The following CACNG4 variants were observed in gnomAD, a reference collection of about 807,000 sequenced individuals.
CACNG4 encodes the protein voltage-dependent calcium channel gamma-4 subunit.
A neutral mutation model predicts 22.9 loss-of-function variants in CACNG4; 8 were observed. The ratio of observed to expected loss-of-function variants is 0.35; its 90% CI spans 0.21 to 0.63. The LOEUF (loss-of-function observed/expected upper bound fraction) is 0.63. Among genes scored for constraint, CACNG4 ranks in the 30% least tolerant of loss-of-function variants. The pLI is 0.72. For synonymous variants in CACNG4, 188 were observed against 191.9 expected (o/e 0.98, Z 0.17); for missense variants, 357 against 455.4 (o/e 0.78, Z 1.97).
chr17:67,029,742 T>C (rs2143380194), intron 3 of CACNG4, among the ~76,000 whole-genome samples: 1 of 152,178 alleles, frequency 6.6e-6, no homozygotes, highest in East Asian at 1.9e-4. Context: ...TAACGTAAAA[T>C]GTTAACATTA....
intron 1 of CACNG4, among the ~76,000 whole-genome samples, chr17:66,973,153 T>A (rs765477268): frequency 6.6e-6 from 1 of 151,682 alleles, no homozygotes. Flanking sequence ...GACAGGAGAA[T>A]TGCTTAAACC....
At chr17:67,009,503 GTA>G (rs1187827240) in intron 1 of CACNG4, among the ~76,000 whole-genome samples, 4,791 of 152,206 alleles carry the variant, frequency 0.031, 251 homozygotes, top group African/African-American at 0.11. Context: ...TTTAAGAAGG[GTA>G]CCTCCCTGGG....
At chr17:66,972,939 A>AAAAC (rs969965335) in intron 1 of CACNG4, among the ~76,000 whole-genome samples, 1 of 147,870 alleles carries the variant, frequency 6.8e-6, no homozygotes, top group Non-Finnish European at 1.5e-5. Flanking sequence ...AACAAAAACA[A>AAAAC]AAACAAACAA....
At chr17:66,966,594 A>T (rs1254461330) in intron 1 of CACNG4, among the ~76,000 whole-genome samples, 2 of 151,992 alleles carry the variant, frequency 1.3e-5, no homozygotes, top group African/African-American at 4.8e-5. Context: ...TAGTGAAGTC[A>T]ACTTGGCCCC....
chr17:66,981,972 C>T (rs1343770429), intron 1 of CACNG4, among the ~76,000 whole-genome samples: 1 of 152,188 alleles, frequency 6.6e-6, no homozygotes, highest in Admixed American at 6.5e-5. Context: ...CTCACTCTGT[C>T]ACACAGGCTA....
Position 66,966,800 on chromosome 17 carries a change from G to C in CACNG4, c.220+1669G>C, listed in dbSNP as rs112704880. On this transcript the variant is annotated intron_variant, in intron 1 of 3. Transcript: ENST00000262138. ...ACACAGCCACACAAAAGAGCCAGTG[G>C]GCTCATGATCACACCCTCCTCTTTT... 7.6e-3 allele frequency among the ~76,000 whole-genome samples: 1,156 copies of C among 152,246 alleles called. 13 individuals are homozygous for C. The highest frequency in any genetic ancestry group is 0.026 in the African/African-American group (1,099 of 41,540).
At chr17:66,976,972 C>T (rs2035241775) in intron 1 of CACNG4, among the ~76,000 whole-genome samples, 1 of 152,238 alleles carries the variant, frequency 6.6e-6, no homozygotes, top group African/African-American at 2.4e-5. Context: ...AGAGCCTGCT[C>T]TGTGCCTAGC....
At chr17:67,021,204 A>G (rs1009922082) in intron 2 of CACNG4, among the ~76,000 whole-genome samples, 3 of 151,738 alleles carry the variant, frequency 2.0e-5, no homozygotes, top group Non-Finnish European at 4.4e-5. Context: ...CCATCTTAAA[A>G]AAAAAAAAAA....
intron 1 of CACNG4, among the ~76,000 whole-genome samples, chr17:67,007,701 T>C (rs1162155925): frequency 6.6e-6 from 1 of 152,222 alleles, no homozygotes; most frequent in East Asian, 1.9e-4. Flanking sequence ...GCAGAGACCA[T>C]GTCTGTCCTG....
Position 67,018,107 on chromosome 17 carries a change from C to G in CACNG4, c.221-82C>G, listed in dbSNP as rs369114537. On this transcript the variant is annotated intron_variant, in intron 1 of 3. Coordinates refer to ENST00000262138, the MANE Select transcript of CACNG4 (RefSeq NM_014405.4). ...CCCAGGACCTGCACAGAGGCTCACA[C>G]ACATGGCAACCGTGTCTGGAGTGAA... is the stretch of plus-strand genomic sequence containing the variant. 146 of 1,069,642 alleles carry G rather than the reference C, an allele frequency of 1.4e-4. No homozygotes were observed. The East Asian group carries it at 1.9e-3, about 14-fold the overall frequency. The allele number at this position is 1,069,642 out of a possible 1,614,324, so 66.3% of individuals were successfully genotyped here. A position where few individuals can be genotyped will look rare whatever the true frequency, so the allele number is the denominator to read the frequency against.
At chr17:66,983,030 C>T (rs941528918) in intron 1 of CACNG4, among the ~76,000 whole-genome samples, 5 of 152,186 alleles carry the variant, frequency 3.3e-5, no homozygotes, top group Admixed American at 6.5e-5. Flanking sequence ...CCCAAGGCCC[C>T]GGAGCCAACA....
At chr17:67,011,860 G>A (rs2035470423) in intron 1 of CACNG4, among the ~76,000 whole-genome samples, 1 of 152,008 alleles carries the variant, frequency 6.6e-6, no homozygotes, top group African/African-American at 2.4e-5. Context: ...GAGTTGTGCT[G>A]CTGGGCCGCC....
At chr17:66,988,049 GTGTGTA>G (rs2035314911) in intron 1 of CACNG4, among the ~76,000 whole-genome samples, 7 of 146,262 alleles carry the variant, frequency 4.8e-5, no homozygotes, top group Non-Finnish European at 5.9e-5. Flanking sequence ...GTGTGTGTGT[GTGTGTA>G]TATATATATA....
chr17:67,001,798 A>G (rs1366778189), intron 1 of CACNG4, among the ~76,000 whole-genome samples: 2 of 152,266 alleles, frequency 1.3e-5, no homozygotes, highest in African/African-American at 4.8e-5. Context: ...AATGGAAGGT[A>G]CATGGTCCCA....
intron 1 of CACNG4, among the ~76,000 whole-genome samples, chr17:66,994,640 G>C (rs893897005): frequency 2.4e-4 from 36 of 152,238 alleles, no homozygotes; most frequent in Non-Finnish European, 4.7e-4. Flanking sequence ...ATGATGTTCA[G>C]GTCCCGGCTT....
chr17:66,969,260 A>C (rs1335100877), intron 1 of CACNG4, among the ~76,000 whole-genome samples: 1 of 152,122 alleles, frequency 6.6e-6, no homozygotes, highest in East Asian at 1.9e-4. Flanking sequence ...ACTCTAGAGA[A>C]CTCACTAGAG....
At position 67,032,880 on chromosome 17, in the gene CACNG4, G is replaced by A; in HGVS notation, c.*1876G>A. The stretch of plus-strand genomic sequence containing the variant: ...ACGCCCTCCCCAGTCCCGCTGTCCA[G>A]CAAGGCCCCGAGACTTTTCTTCTGT... On this transcript the variant is annotated 3_prime_UTR_variant, in exon 4 of 4. Transcript: ENST00000262138. The A allele has an allele frequency of 6.5e-6, 1 of 153,254 alleles. No individual in the cohort carries two copies. Among genetic ancestry groups the A allele is most frequent in the Non-Finnish European group, 1.5e-5 (1 of 68,340 alleles). 9.5% of individuals were successfully genotyped at this position (153,254 alleles called of 1,614,324 possible).
intron 1 of CACNG4, among the ~76,000 whole-genome samples, chr17:66,987,041 G>GA (rs1168068897): frequency 3.3e-5 from 5 of 152,136 alleles, no homozygotes; most frequent in Admixed American, 1.3e-4. Context: ...TGTATTTACA[G>GA]AAAAAAGACA....
At chr17:66,996,840 G>A (rs1344441113) in intron 1 of CACNG4, among the ~76,000 whole-genome samples, 3 of 152,308 alleles carry the variant, frequency 2.0e-5, no homozygotes, top group African/African-American at 4.8e-5. Context: ...AGACCATTAC[G>A]AGAATGCAAA....
Sources: gnomAD v4.1 joint callset for allele counts (sites outside exome capture counted in the v4.1 genomes callset) on GRCh38, gnomAD v4.1.1 for gene constraint, MANE v1.5 for transcripts, NCBI Gene and HGNC (gene_info 2026-07-23, HGNC 2026-07-21) for gene names.